EXOC4: variants seen among roughly 807,000 people sequenced by gnomAD.
EXOC4 encodes the protein SEC8-like 1.
Under a neutral mutation model 107.2 loss-of-function variants are expected in EXOC4, and 71 were observed. The observed-to-expected ratio is 0.66, with a 90% CI of 0.55 to 0.81. The LOEUF is 0.81. Among genes scored for constraint, EXOC4 ranks in the 30% least tolerant of loss-of-function variants. The pLI, the probability that EXOC4 is intolerant of heterozygous loss-of-function variation, is 0.00. For synonymous variants in EXOC4, 456 were observed against 441.2 expected, an observed-to-expected ratio of 1.03 and a Z score of -0.42; for missense variants, 1,108 against 1,189.6, an observed-to-expected ratio of 0.93 and a Z score of 1.01.
At chr7:133,570,986 C>G (rs894366420) in intron 9 of EXOC4, among the ~76,000 whole-genome samples, 1 of 152,196 alleles carries the variant, frequency 6.6e-6, no homozygotes, top group Non-Finnish European at 1.5e-5. Flanking sequence ...GGTATCCCAT[C>G]TTTACTCCTG....
intron 10 of EXOC4, among the ~76,000 whole-genome samples, chr7:133,720,109 G>C (rs1795077117): frequency 6.6e-6 from 1 of 152,116 alleles, no homozygotes; most frequent in South Asian, 2.1e-4. Flanking sequence ...TCGTTAACTA[G>C]AATAGTCTTT....
chr7:133,484,033 G>T, intron 9 of EXOC4: 1 of 1,613,862 alleles, frequency 6.2e-7, no homozygotes, highest in Non-Finnish European at 8.5e-7. Flanking sequence ...TTTTCCTTCC[G>T]TTGCAGGGTA....
At chr7:133,834,617 T>TAA (rs1563019811) in intron 11 of EXOC4, among the ~76,000 whole-genome samples, 3 of 152,190 alleles carry the variant, frequency 2.0e-5, no homozygotes, top group Non-Finnish European at 2.9e-5. Flanking sequence ...GCGTTATTCC[T>TAA]AACAAGAATT....
At chr7:133,815,957 T>C (rs1797359233) in intron 10 of EXOC4, among the ~76,000 whole-genome samples, 1 of 152,240 alleles carries the variant, frequency 6.6e-6, no homozygotes, top group Admixed American at 6.5e-5. Context: ...TTTTATAAAA[T>C]GCCACATGGA....
chr7:134,044,266 C>G (rs925935653), intron 17 of EXOC4, among the ~76,000 whole-genome samples: 1 of 152,158 alleles, frequency 6.6e-6, no homozygotes, highest in Admixed American at 6.5e-5. Context: ...ACATCCCGCT[C>G]ACTGACATCC....
chr7:133,786,481 G>A (rs1348952328), intron 10 of EXOC4, among the ~76,000 whole-genome samples: 1 of 152,196 alleles, frequency 6.6e-6, no homozygotes, highest in African/African-American at 2.4e-5. Context: ...GTGGATCCAG[G>A]GTTAAAGCAC....
intron 7 of EXOC4, among the ~76,000 whole-genome samples, chr7:133,466,604 A>T (rs1335682869): frequency 2.0e-5 from 3 of 152,198 alleles, no homozygotes; most frequent in Non-Finnish European, 4.4e-5. Flanking sequence ...TCTGTCAAAC[A>T]TTTAAAGATG....
intron 12 of EXOC4, among the ~76,000 whole-genome samples, chr7:133,904,639 G>A (rs1310151232): frequency 6.6e-6 from 1 of 152,144 alleles, no homozygotes; most frequent in African/African-American, 2.4e-5. Flanking sequence ...TACCATAGTT[G>A]CTGAATGATG....
At chr7:133,374,129 G>A (rs1409055642) in intron 6 of EXOC4, among the ~76,000 whole-genome samples, 3 of 152,202 alleles carry the variant, frequency 2.0e-5, no homozygotes, top group Non-Finnish European at 4.4e-5. Flanking sequence ...GTGGCTAAAT[G>A]TACTGACATG....
intron 10 of EXOC4, among the ~76,000 whole-genome samples, chr7:133,640,780 T>A (rs1802834723): frequency 6.6e-6 from 1 of 152,236 alleles, no homozygotes; most frequent in Non-Finnish European, 1.5e-5. Flanking sequence ...TTGCTACTTT[T>A]ATTAAAGAAA....
At chr7:133,755,293 T>TTATATATATTA (rs1220948129) in intron 10 of EXOC4, among the ~76,000 whole-genome samples, 9 of 122,240 alleles carry the variant, frequency 7.4e-5, no homozygotes, top group Admixed American at 2.8e-4. Context: ...TATATACATA[T>TTATATATATTA]TATATATATT....
rs1202921998 is a variant in EXOC4 at position 133,389,570 on chromosome 7, CAAAAAAAAAAAAA to C, written c.1182+14581_1182+14593del. Among the ~76,000 whole-genome samples the C allele has an allele frequency of 1.8e-4, 3 of 16,390 alleles. No individual in the cohort carries two copies. The East Asian group carries it at 6.1e-3, about 34-fold the overall frequency. The allele number at this position is 16,390 out of a possible 152,430, so 10.8% of individuals were successfully genotyped here. On this transcript the variant is annotated intron_variant, in intron 7 of 17. Transcript: ENST00000253861. ...TCTGGGCAACAAGAGTGAAACTCCTCAAAAAAAAAAAAAAAAAAAAAAAAAGAGAGTCTTAAGT... is the reference window on the plus strand; with the variant it reads ...TCTGGGCAACAAGAGTGAAACTCCTCAAAAAAAAAAAAGAGAGTCTTAAGT...
At chr7:133,921,063 A>G (rs986523564) in intron 13 of EXOC4, among the ~76,000 whole-genome samples, 1 of 152,188 alleles carries the variant, frequency 6.6e-6, no homozygotes, top group Non-Finnish European at 1.5e-5. Flanking sequence ...AACATCCACC[A>G]TCCACCATTT....
At chr7:133,850,334 G>C (rs1798214988) in intron 11 of EXOC4, among the ~76,000 whole-genome samples, 1 of 152,088 alleles carries the variant, frequency 6.6e-6, no homozygotes, top group South Asian at 2.1e-4. Context: ...TATATTCCTT[G>C]GGATCCAGCT....
At chr7:133,411,322 T>C (rs1432793166) in intron 7 of EXOC4, among the ~76,000 whole-genome samples, 1 of 152,184 alleles carries the variant, frequency 6.6e-6, no homozygotes, top group Non-Finnish European at 1.5e-5. Context: ...TTAAATAGTT[T>C]GTGTTAGTCA....
At chr7:133,527,532 G>T in intron 9 of EXOC4, among the ~76,000 whole-genome samples, 1 of 152,118 alleles carries the variant, frequency 6.6e-6, no homozygotes, top group East Asian at 1.9e-4. Context: ...CCAAACATGG[G>T]ATCTTCCTAT....
chr7:133,444,767 G>A (rs931503552), intron 7 of EXOC4, among the ~76,000 whole-genome samples: 2 of 152,114 alleles, frequency 1.3e-5, no homozygotes, highest in Non-Finnish European at 2.9e-5. Flanking sequence ...AATGTGGGAT[G>A]CCTGTGGGAC....
intron 1 of EXOC4, among the ~76,000 whole-genome samples, chr7:133,260,443 TTTGTATTTTTGGTAGAGAC>T (rs964392826): frequency 6.6e-6 from 1 of 152,214 alleles, no homozygotes; most frequent in South Asian, 2.1e-4. Context: ...CCGGCTAATT[TTTGTATTTTTGGTAGAGAC>T]AGGATTTCAC....
the EXOC4 span, among the ~76,000 whole-genome samples, chr7:134,094,387 C>A: frequency 0.17 from 26,268 of 152,068 alleles, 3,041 homozygotes; most frequent in African/African-American, 0.33. Context: ...ACTGAACAGA[C>A]CAATATCGAG....
Sources: gnomAD v4.1 joint callset for allele counts (sites outside exome capture counted in the v4.1 genomes callset) on GRCh38, gnomAD v4.1.1 for gene constraint, MANE v1.5 for transcripts, NCBI Gene and HGNC (gene_info 2026-07-23, HGNC 2026-07-21) for gene names.